GABRG1: variants seen among roughly 807,000 people sequenced by gnomAD.
GABRG1 encodes the protein gamma-aminobutyric acid receptor subunit gamma-1.
In GABRG1, 49 loss-of-function variants were observed where a neutral mutation model predicts 49.8. That is an observed-to-expected ratio of 0.98 (90% CI 0.78 to 1.25). GABRG1 has a LOEUF of 1.25. GABRG1 is among the 50% of genes most tolerant of loss of function. GABRG1 has a pLI of 0.00. For missense variants in GABRG1, 552 were observed against 552.3 expected (o/e 1.00, Z 0.01); for synonymous variants, 232 against 185.1 (o/e 1.25, Z -2.06).
rs371346953 is a variant in GABRG1 at position 46,068,564 on chromosome 4, A to G, written c.322-2980T>C. ...TTGTCCCCTCAATCTAATATCAAGA[A>G]GAGAAAGACTCAGAGCATATGTCTT... On this transcript the variant is annotated intron_variant, in intron 3 of 8. Coordinates refer to ENST00000295452, the MANE Select transcript of GABRG1 (RefSeq NM_173536.4). Among the ~76,000 whole-genome samples the G allele has an allele frequency of 2.0e-5, 3 of 152,136 alleles. No individual in the cohort carries two copies. The East Asian group carries it at 5.8e-4, about 29-fold the overall frequency.
intron 2 of GABRG1, among the ~76,000 whole-genome samples, chr4:46,087,330 TAATATATC>T (rs1452621021): frequency 6.6e-6 from 1 of 151,712 alleles, no homozygotes; most frequent in Non-Finnish European, 1.5e-5. Context: ...TCACTGGTAG[TAATATATC>T]AATATTATCT....
rs142748494 is a variant in GABRG1 at position 46,058,160 on chromosome 4, C to T, written c.916+57G>A. ...TAAATGTGACTATGAACTTTTATCACATCAAAATGATTTTTTAAAGTTCTA... is the reference window on the plus strand; with the variant it reads ...TAAATGTGACTATGAACTTTTATCATATCAAAATGATTTTTTAAAGTTCTA... On this transcript the variant is annotated intron_variant, in intron 7 of 8. Coordinates refer to ENST00000295452, the MANE Select transcript of GABRG1 (RefSeq NM_173536.4). 5,959 of 1,493,576 alleles carry T rather than the reference C, an allele frequency of 4.0e-3. 19 individuals are homozygous for T. Among genetic ancestry groups the T allele is most frequent in the Middle Eastern group, 4.8e-3 (27 of 5,616 alleles). The allele number at this position is 1,493,576 out of a possible 1,614,324, so 92.5% of individuals were successfully genotyped here. A position where few individuals can be genotyped will look rare whatever the true frequency, so the allele number is the denominator to read the frequency against.
intron 1 of GABRG1, among the ~76,000 whole-genome samples, chr4:46,110,357 C>A (rs772754249): frequency 1.3e-5 from 2 of 150,832 alleles, no homozygotes; most frequent in East Asian, 2.0e-4. Flanking sequence ...TTTCTGTTTG[C>A]CCATTAAAAC....
intron 5 of GABRG1, among the ~76,000 whole-genome samples, chr4:46,061,630 T>C (rs1487412907): frequency 4.6e-5 from 7 of 151,886 alleles, no homozygotes; most frequent in African/African-American, 1.7e-4. Context: ...TTAATATAGC[T>C]CTGGAAAGGT....
At chr4:46,080,635 T>C (rs528281439) in intron 3 of GABRG1, among the ~76,000 whole-genome samples, 1 of 151,230 alleles carries the variant, frequency 6.6e-6, no homozygotes, top group East Asian at 1.9e-4. Flanking sequence ...AAGATCATTG[T>C]AAAAGTCTGT....
chr4:46,084,335 C>A (rs1490867220), intron 2 of GABRG1, among the ~76,000 whole-genome samples: 1 of 151,610 alleles, frequency 6.6e-6, no homozygotes, highest in Admixed American at 6.6e-5. Context: ...TTTAGTCATA[C>A]ATGCTCAGTT....
intron 3 of GABRG1, among the ~76,000 whole-genome samples, chr4:46,083,363 T>A (rs1373901109): frequency 2.0e-5 from 3 of 151,710 alleles, no homozygotes; most frequent in African/African-American, 7.3e-5. Context: ...ATAAGAGAGA[T>A]GTATTTAAAA....
At chr4:46,048,760 G>T (rs2109395579) in intron 8 of GABRG1, among the ~76,000 whole-genome samples, 1 of 151,786 alleles carries the variant, frequency 6.6e-6, no homozygotes, top group Non-Finnish European at 1.5e-5. Context: ...GAGAATGAAA[G>T]AAAGAGTGAG....
chr4:46,081,681 T>A (rs1172506298), intron 3 of GABRG1, among the ~76,000 whole-genome samples: 1 of 151,820 alleles, frequency 6.6e-6, no homozygotes, highest in Non-Finnish European at 1.5e-5. Flanking sequence ...TCTTTGGAAG[T>A]CTTATGGGCT....
At chr4:46,045,959 T>C (rs1457719387) in intron 8 of GABRG1, among the ~76,000 whole-genome samples, 1 of 152,072 alleles carries the variant, frequency 6.6e-6, no homozygotes, top group African/African-American at 2.4e-5. Context: ...GAGTTATAGA[T>C]ACCTGGAAAT....
intron 3 of GABRG1, among the ~76,000 whole-genome samples, chr4:46,074,764 G>A (rs28433945): frequency 0.57 from 85,846 of 151,864 alleles, 24,756 homozygotes; most frequent in African/African-American, 0.63. Context: ...TTGAATAAGG[G>A]ATAAGGTATT....
chr4:46,087,277 T>C (rs1719804854), intron 2 of GABRG1, among the ~76,000 whole-genome samples: 1 of 151,700 alleles, frequency 6.6e-6, no homozygotes, highest in African/African-American at 2.4e-5. Context: ...ATCATCCTTC[T>C]GTGAATACGT....
intron 5 of GABRG1, among the ~76,000 whole-genome samples, chr4:46,060,727 T>G (rs772252655): frequency 1.3e-5 from 2 of 152,164 alleles, no homozygotes; most frequent in Non-Finnish European, 2.9e-5. Flanking sequence ...TATCTTTCCT[T>G]TTCTCCATCT....
chr4:46,047,726 G>T (rs1718058211), intron 8 of GABRG1, among the ~76,000 whole-genome samples: 1 of 151,884 alleles, frequency 6.6e-6, no homozygotes, highest in South Asian at 2.1e-4. Context: ...ACCTACTTCT[G>T]AAAAAGCATG....
chr4:46,100,707 GAAA>G (rs33924854), intron 1 of GABRG1, among the ~76,000 whole-genome samples: 62 of 127,054 alleles, frequency 4.9e-4, no homozygotes, highest in African/African-American at 1.5e-3. Flanking sequence ...GAAGATTTTA[GAAA>G]AAAAAAAAAA....
intron 1 of GABRG1, among the ~76,000 whole-genome samples, chr4:46,097,730 A>G (rs1447963852): frequency 6.6e-6 from 1 of 151,666 alleles, no homozygotes; most frequent in African/African-American, 2.4e-5. Context: ...TAAAAATTAA[A>G]AGGTAAAGAA....
chr4:46,085,563 A>G (rs1381182269), intron 2 of GABRG1, among the ~76,000 whole-genome samples: 1 of 151,566 alleles, frequency 6.6e-6, no homozygotes, highest in Non-Finnish European at 1.5e-5. Flanking sequence ...ATGCTATTTG[A>G]TCTGATCCTT....
Position 46,093,130 on chromosome 4 carries a change from T to C in GABRG1, c.253+4071A>G, listed in dbSNP as rs371825947. On this transcript the variant is annotated intron_variant, in intron 2 of 8. Transcript: ENST00000295452. ...AGAAAACACATATAGATATATAATA[T>C]CAATCAAATTAAATGTTATAGCAAA... Among the ~76,000 whole-genome samples, 26 of 149,278 alleles carry C rather than the reference T, an allele frequency of 1.7e-4. No individual in the cohort carries two copies. In the East Asian group the frequency reaches 4.7e-3, roughly 27 times the overall value.
chr4:46,086,176 G>A (rs1343414703), intron 2 of GABRG1, among the ~76,000 whole-genome samples: 2 of 151,458 alleles, frequency 1.3e-5, no homozygotes, highest in African/African-American at 2.4e-5. Context: ...TGCTCAACAG[G>A]ATATAAGTAG....
Sources: gnomAD v4.1 joint callset for allele counts (sites outside exome capture counted in the v4.1 genomes callset) on GRCh38, gnomAD v4.1.1 for gene constraint, MANE v1.5 for transcripts, NCBI Gene and HGNC (gene_info 2026-07-23, HGNC 2026-07-21) for gene names.